Variants in OLFM3 observed in about 807,000 individuals in gnomAD.
The protein encoded by OLFM3 is noelin-3.
A neutral mutation model predicts 48.6 loss-of-function variants in OLFM3; 20 were observed. The observed-to-expected ratio is 0.41, with a 90% CI of 0.29 to 0.60. The LOEUF is 0.60. OLFM3 is among the 20% of genes least tolerant of loss of function. OLFM3 has a pLI of 0.28. For missense variants in OLFM3, 437 were observed against 544.3 expected, an observed-to-expected ratio of 0.80 and a Z score of 1.96; for synonymous variants, 222 against 198.1, an observed-to-expected ratio of 1.12 and a Z score of -1.01.
At chr1:101,992,201 T>C (rs1661431425) in intron 1 of OLFM3, among the ~76,000 whole-genome samples, 1 of 152,128 alleles carries the variant, frequency 6.6e-6, no homozygotes, top group South Asian at 2.1e-4. Flanking sequence ...ATCATCACAA[T>C]TGCCACTTTG....
intron 1 of OLFM3, among the ~76,000 whole-genome samples, chr1:101,924,400 A>C (rs1035477414): frequency 6.6e-6 from 1 of 152,184 alleles, no homozygotes. Context: ...AATCTGAACT[A>C]ACAAAGGATG....
intron 1 of OLFM3, among the ~76,000 whole-genome samples, chr1:101,968,336 T>C (rs1660679260): frequency 6.6e-6 from 1 of 152,124 alleles, no homozygotes; most frequent in African/African-American, 2.4e-5. Flanking sequence ...TTGCAAGAGA[T>C]TTCCAAGTCA....
intron 4 of OLFM3, among the ~76,000 whole-genome samples, chr1:101,822,765 T>C (rs1654670089): frequency 6.6e-6 from 1 of 152,164 alleles, no homozygotes; most frequent in Non-Finnish European, 1.5e-5. Context: ...AAACTAAAGA[T>C]ATTTCTTAAT....
In OLFM3 at chr1:101,824,090, T is replaced by C. The variant is rs550432497; in HGVS notation, c.592+936A>G. The stretch of plus-strand genomic sequence containing the variant: ...ATTTATTCACTGAAGTTTTCTTTAC[T>C]AGAAATTAATCTTTTGTGTGTGTGT... On this transcript the variant is annotated intron_variant, in intron 4 of 5. Coordinates refer to ENST00000370103, the MANE Select transcript of OLFM3 (RefSeq NM_058170.4). 4.6e-5 allele frequency among the ~76,000 whole-genome samples: 7 copies of C among 152,246 alleles called. No individual in the cohort carries two copies. In the East Asian group the frequency reaches 1.4e-3, roughly 29 times the overall value.
chr1:101,898,166 A>G (rs1448258943), intron 1 of OLFM3, among the ~76,000 whole-genome samples: 1 of 152,160 alleles, frequency 6.6e-6, no homozygotes, highest in Non-Finnish European at 1.5e-5. Context: ...GTTATCTCAT[A>G]TTTTCAGTTT....
intron 1 of OLFM3, among the ~76,000 whole-genome samples, chr1:101,943,739 A>G (rs1343965116): frequency 6.6e-6 from 1 of 152,186 alleles, no homozygotes; most frequent in Non-Finnish European, 1.5e-5. Flanking sequence ...GTATCTATAT[A>G]TTTATAGTTC....
chr1:101,980,218 G>C (rs1342838881), intron 1 of OLFM3, among the ~76,000 whole-genome samples: 4 of 152,132 alleles, frequency 2.6e-5, no homozygotes, highest in Admixed American at 2.6e-4. Context: ...GTTAATGCCT[G>C]AATGAGTTAA....
intron 1 of OLFM3, among the ~76,000 whole-genome samples, chr1:101,906,236 C>T (rs1223722434): frequency 6.6e-6 from 1 of 151,696 alleles, no homozygotes; most frequent in Non-Finnish European, 1.5e-5. Flanking sequence ...TATATCATCA[C>T]TAAATTATTG....
intron 1 of OLFM3, among the ~76,000 whole-genome samples, chr1:101,855,145 T>G (rs1229211877): frequency 6.6e-6 from 1 of 152,082 alleles, no homozygotes; most frequent in African/African-American, 2.4e-5. Context: ...ACTTCAAACA[T>G]TCTAGAAAGT....
At chr1:101,896,212 C>T (rs1658195084) in intron 1 of OLFM3, among the ~76,000 whole-genome samples, 1 of 151,864 alleles carries the variant, frequency 6.6e-6, no homozygotes, top group Non-Finnish European at 1.5e-5. Flanking sequence ...TTTAAACTGA[C>T]CAGGTTGTGT....
intron 1 of OLFM3, among the ~76,000 whole-genome samples, chr1:101,861,426 G>A (rs1421630567): frequency 4.6e-5 from 7 of 152,222 alleles, no homozygotes; most frequent in African/African-American, 1.4e-4. Context: ...ACTGGCTGCT[G>A]CCTAGACATT....
chr1:101,832,460 T>C (rs1253483047), intron 2 of OLFM3, among the ~76,000 whole-genome samples: 1 of 152,242 alleles, frequency 6.6e-6, no homozygotes, highest in Non-Finnish European at 1.5e-5. Flanking sequence ...TTCTGTTCCC[T>C]CTGCTGTCTT....
chr1:101,916,852 A>G (rs1226031405), intron 1 of OLFM3, among the ~76,000 whole-genome samples: 2 of 152,182 alleles, frequency 1.3e-5, no homozygotes, highest in African/African-American at 4.8e-5. Context: ...TAGACGTATG[A>G]GCGAATTAAG....
chr1:101,933,577 A>G (rs1659522048), intron 1 of OLFM3, among the ~76,000 whole-genome samples: 1 of 152,170 alleles, frequency 6.6e-6, no homozygotes, highest in Admixed American at 6.5e-5. Context: ...CGACCTCAAT[A>G]GAGTAGCTAA....
chr1:101,930,540 G>A lies in OLFM3; in HGVS notation c.69+66208C>T, dbSNP rs1478958059. ...TTTTTACAAGATTTTCTCATTATAT[G>A]TTTATTAATTCATGAAGAAGTATGT... On this transcript the variant is annotated intron_variant, in intron 1 of 5. Transcript: ENST00000370103. 2.6e-5 allele frequency among the ~76,000 whole-genome samples: 4 copies of A among 152,112 alleles called. No individual in the cohort carries two copies. The East Asian group carries it at 7.7e-4, about 29-fold the overall frequency.
At chr1:101,842,569 G>A (rs187192310) in intron 1 of OLFM3, among the ~76,000 whole-genome samples, 132 of 152,146 alleles carry the variant, frequency 8.7e-4, no homozygotes, top group African/African-American at 2.8e-3. Context: ...AATAAATTTA[G>A]GTTGGTCACC....
intron 1 of OLFM3, among the ~76,000 whole-genome samples, chr1:101,921,203 ACAC>A (rs1659083791): frequency 2.5e-5 from 1 of 40,776 alleles, no homozygotes; most frequent in Non-Finnish European, 6.4e-5. Flanking sequence ...AAGTTTATAC[ACAC>A]ACACACACAC....
intron 1 of OLFM3, among the ~76,000 whole-genome samples, chr1:101,941,505 T>C (rs948790822): frequency 2.6e-5 from 4 of 152,284 alleles, no homozygotes; most frequent in Non-Finnish European, 4.4e-5. Context: ...ACCTCATTCA[T>C]GTCCATGAAT....
intron 3 of OLFM3, among the ~76,000 whole-genome samples, chr1:101,827,420 C>T (rs934932752): frequency 6.6e-6 from 1 of 151,960 alleles, no homozygotes; most frequent in South Asian, 2.1e-4. Context: ...CCCGGGTTCA[C>T]GCCATTCTCC....
Sources: gnomAD v4.1 joint callset for allele counts (sites outside exome capture counted in the v4.1 genomes callset) on GRCh38, gnomAD v4.1.1 for gene constraint, MANE v1.5 for transcripts, NCBI Gene and HGNC (gene_info 2026-07-23, HGNC 2026-07-21) for gene names.